Variants in SLC6A13 observed in about 807,000 individuals in gnomAD.
SLC6A13 encodes the protein solute carrier family 6 member 13, also known as sodium- and chloride-dependent GABA transporter 2.
A neutral mutation model predicts 72.9 loss-of-function variants in SLC6A13; 69 were observed. That is an observed-to-expected ratio of 0.95 (90% CI 0.78 to 1.16). The LOEUF is 1.16. SLC6A13 is among the 50% of genes most tolerant of loss of function. The probability of loss-of-function intolerance (pLI) is 0.00; values close to 1 mark genes in which losing one functional copy is unlikely to be tolerated. For missense variants in SLC6A13, 735 were observed against 760.5 expected (o/e 0.97, Z 0.39); for synonymous variants, 303 against 303.0 (o/e 1.00, Z 0.00).
chr12:251,654 T>C (rs936228325), intron 2 of SLC6A13, among the ~76,000 whole-genome samples: 2 of 152,144 alleles, frequency 1.3e-5, no homozygotes, highest in African/African-American at 4.8e-5. Flanking sequence ...AAGACACTGT[T>C]AGAAACAGGA....
chr12:237,103 C>A, intron 6 of SLC6A13, 55 bp downstream of exon 6: 4 of 1,596,366 alleles, frequency 2.5e-6, no homozygotes, highest in Non-Finnish European at 3.4e-6. Context: ...GGGTGACAGC[C>A]CCCAGTGAGG....
At chr12:246,596 G>A (rs1016466367) in intron 2 of SLC6A13, among the ~76,000 whole-genome samples, 2 of 152,226 alleles carry the variant, frequency 1.3e-5, no homozygotes, top group Non-Finnish European at 2.9e-5. Flanking sequence ...GAACACTACA[G>A]TGTGTGAGAT....
At position 237,937 on chromosome 12, in the gene SLC6A13, G is replaced by C. The variant is rs148818725; in HGVS notation, c.552C>G (p.Ile184Met). The part of the protein sequence containing the change: ...GTSENATSPV[I>M]EFWERRVLKI... ...AGGGTCTCACTTACTCCCAGAACTC[G>C]ATGACAGGAGAGGTGGCATTCTCAG... Residue 184 changes from isoleucine (I) to methionine (M), a missense_variant, in exon 5 of 15, where the codon ATC becomes ATG. Ile to Met is a conservative substitution (Grantham distance 10, BLOSUM62 1). Coordinates refer to ENST00000343164, the MANE Select transcript of SLC6A13 (RefSeq NM_016615.5). 6.2e-7 allele frequency: 1 copy of C among 1,613,358 alleles called. No homozygotes were observed. Among genetic ancestry groups the C allele is most frequent in the Admixed American group, 1.7e-5 (1 of 59,996 alleles).
chr12:222,621 A>C lies in SLC6A13; in HGVS notation c.1426T>G (p.Phe476Val). 1 of 1,604,656 alleles carries C rather than the reference A, an allele frequency of 6.2e-7. No individual in the cohort carries two copies. Among genetic ancestry groups the C allele is most frequent in the Non-Finnish European group, 8.5e-7 (1 of 1,173,878 alleles). Residue 476 changes from phenylalanine (F) to valine (V), a missense_variant, in exon 13 of 15, where the codon TTC becomes GTC. By Grantham distance (50) the Phe-to-Val change is conservative. Transcript: ENST00000343164. ...CVAWVYGAKR[F>V]YDNIEDMIGY... The stretch of plus-strand genomic sequence containing the variant: ...ATCATGTCTTCGATGTTGTCGTAGA[A>C]GCGCTTGGCTCCTACCATGGAGAAA...
intron 2 of SLC6A13, among the ~76,000 whole-genome samples, chr12:256,930 C>T (rs901122999): frequency 6.6e-6 from 1 of 152,170 alleles, no homozygotes. Flanking sequence ...GCCAAGGCCC[C>T]AGTCTGAGAA....
chr12:250,552 T>C (rs1591859604), intron 2 of SLC6A13, among the ~76,000 whole-genome samples: 1 of 152,174 alleles, frequency 6.6e-6, no homozygotes, highest in East Asian at 1.9e-4. Context: ...GCATCAAAAA[T>C]ATTAAATACT....
At chr12:247,044 G>T (rs1942381694) in intron 2 of SLC6A13, among the ~76,000 whole-genome samples, 1 of 114,802 alleles carries the variant, frequency 8.7e-6, no homozygotes, top group Non-Finnish European at 2.0e-5. Flanking sequence ...AAGAAAGAAA[G>T]AAAAGAAAAA....
chr12:240,136 G>C (rs909189006), intron 4 of SLC6A13, among the ~76,000 whole-genome samples: 1 of 152,012 alleles, frequency 6.6e-6, no homozygotes, highest in Non-Finnish European at 1.5e-5. Context: ...GGTGGTCTCA[G>C]TACACATAGA....
chr12:259,356 C>T (rs974844547), intron 2 of SLC6A13: 8 of 1,014,560 alleles, frequency 7.9e-6, no homozygotes, highest in Admixed American at 5.1e-5. Context: ...TGGTTATCAA[C>T]GTCATCATCA....
chr12:238,372 GT>G, intron 4 of SLC6A13: 1 of 1,301,790 alleles, frequency 7.7e-7, no homozygotes, highest in South Asian at 1.2e-5. Flanking sequence ...GGGAAGTGAT[GT>G]GTCAGAGTGG....
chr12:222,504 T>C (rs769419557), intron 13 of SLC6A13, 28 bp downstream of exon 13: 1 of 1,474,472 alleles, frequency 6.8e-7, no homozygotes, highest in Admixed American at 1.8e-5. Flanking sequence ...CCTCCCTTCA[T>C]CTGACTTTAT....
rs565251995 is a variant in SLC6A13, at chr12:221,192, T to C, written c.1687-122A>G. On this transcript the variant is annotated intron_variant, in intron 14 of 14. Transcript: ENST00000343164. The stretch of plus-strand genomic sequence containing the variant: ...CCTGCCCTCCTGTCATCACAGCCCC[T>C]GTCTGGGAGTCCCCCTGTGTCTTCC... 7.3e-6 allele frequency: 10 copies of C among 1,371,334 alleles called. No individual in the cohort carries two copies. The East Asian group carries it at 2.5e-4, about 34-fold the overall frequency. The allele number at this position is 1,371,334 out of a possible 1,614,324, so 84.9% of individuals were successfully genotyped here. A position where few individuals can be genotyped will look rare whatever the true frequency, so the allele number is the denominator to read the frequency against.
At chr12:224,179 C>T (rs1481775395) in intron 10 of SLC6A13, 50 bp from the exon 11 acceptor site, 1 of 1,610,250 alleles carries the variant, frequency 6.2e-7, no homozygotes, top group Non-Finnish European at 8.5e-7. Flanking sequence ...CCCGAGATGC[C>T]CTGTCCATGA....
chr12:238,216 G>T, intron 4 of SLC6A13: 6 of 1,523,204 alleles, frequency 3.9e-6, no homozygotes, highest in Non-Finnish European at 5.3e-6. Flanking sequence ...GGACATGTGG[G>T]TACATAGATG....
At chr12:237,312 C>T (rs755742126) in intron 5 of SLC6A13, 22 bp from the exon 6 acceptor site, 20 of 1,612,730 alleles carry the variant, frequency 1.2e-5, no homozygotes, top group Admixed American at 1.7e-5. Flanking sequence ...AGGGTTGAAC[C>T]TGGCTTACTT....
At chr12:251,805 T>C (rs1361185106) in intron 2 of SLC6A13, among the ~76,000 whole-genome samples, 1 of 149,984 alleles carries the variant, frequency 6.7e-6, no homozygotes, top group Non-Finnish European at 1.5e-5. Context: ...AAAAAAAAAG[T>C]TTTTAATTTT....
chr12:260,675 T>C (rs1942897376), intron 1 of SLC6A13, among the ~76,000 whole-genome samples: 1 of 136,274 alleles, frequency 7.3e-6, no homozygotes, highest in African/African-American at 3.7e-5. Flanking sequence ...CATTAAAACC[T>C]GTGTTATAGA....
Position 254,166 on chromosome 12 carries a change from A to C in SLC6A13, c.202+5685T>G, listed in dbSNP as rs1287502192. Among the ~76,000 whole-genome samples the C allele has an allele frequency of 3.3e-5, 5 of 152,180 alleles. No homozygotes were observed. The highest frequency in any genetic ancestry group is 2.0e-4 in the Admixed American group (3 of 15,292). On this transcript the variant is annotated intron_variant, in intron 2 of 14. Transcript: ENST00000343164. The surrounding 1 kb of genome is among the most constrained non-coding windows in gnomAD (Gnocchi z 4.4). ...GCTGAGGGTGGAGGGCTGGAGGAAT[A>C]GTTCAAATGTCAAGCTTCTTCAGCC...
rs146146743 is a variant in SLC6A13, at chr12:255,554, C to T, written c.202+4297G>A. On this transcript the variant is annotated intron_variant, in intron 2 of 14. Transcript: ENST00000343164. ...CAACTAAAAATACAGAAATTGGCCG[C>T]GCGTGTTGGCGCGCGCCTGTAGTCC... 1.6e-4 allele frequency among the ~76,000 whole-genome samples: 24 copies of T among 152,276 alleles called. No individual in the cohort carries two copies. The East Asian group carries it at 3.3e-3, about 21-fold the overall frequency.
Sources: allele counts gnomAD v4.1 joint callset (sites outside exome capture counted in the v4.1 genomes callset), GRCh38; gene constraint gnomAD v4.1.1; non-coding constraint Gnocchi (gnomAD v3.1); transcripts MANE v1.5; gene names NCBI Gene and HGNC (gene_info 2026-07-23, HGNC 2026-07-21).